Variants in DMRT1 observed in about 807,000 individuals in gnomAD.
DMRT1 encodes doublesex- and mab-3-related transcription factor 1.
In DMRT1, 7 loss-of-function variants were observed where a neutral mutation model predicts 32.3. That is an observed-to-expected ratio of 0.22 (90% CI 0.12 to 0.41). The LOEUF (loss-of-function observed/expected upper bound fraction) is 0.41. Ranked by LOEUF, DMRT1 falls within the 10% of genes least tolerant of loss-of-function variation. The pLI is 1.00. For synonymous variants in DMRT1, 278 were observed against 206.1 expected, an observed-to-expected ratio of 1.35 and a Z score of -2.99; for missense variants, 625 against 500.5, an observed-to-expected ratio of 1.25 and a Z score of -2.37.
At chr9:960,282 C>A (rs1021224792) in intron 4 of DMRT1, among the ~76,000 whole-genome samples, 3 of 152,226 alleles carry the variant, frequency 2.0e-5, no homozygotes, top group African/African-American at 7.2e-5. Flanking sequence ...CAATTGTTGA[C>A]TTTCCTTCAC....
At chr9:924,592 C>T (rs1818462802) in intron 4 of DMRT1, among the ~76,000 whole-genome samples, 1 of 152,026 alleles carries the variant, frequency 6.6e-6, no homozygotes, top group South Asian at 2.1e-4. Flanking sequence ...TGATTACTGT[C>T]ATTAAGGAGG....
chr9:928,942 A>G (rs1449223703), intron 4 of DMRT1, among the ~76,000 whole-genome samples: 1 of 151,192 alleles, frequency 6.6e-6, no homozygotes, highest in East Asian at 2.0e-4. Context: ...GATTCAAGAG[A>G]TTCTTGTGTC....
intron 3 of DMRT1, among the ~76,000 whole-genome samples, chr9:900,358 C>T (rs748824560): frequency 8.7e-4 from 117 of 133,776 alleles, no homozygotes; most frequent in Non-Finnish European, 1.4e-3. Context: ...GACAGGCTCT[C>T]GTTTTCCCAC....
intron 2 of DMRT1, among the ~76,000 whole-genome samples, chr9:850,694 C>T (rs1171921325): frequency 1.3e-5 from 2 of 152,080 alleles, no homozygotes; most frequent in African/African-American, 2.4e-5. Flanking sequence ...TTTTCATTTA[C>T]TACAGCTGAG....
chr9:883,756 C>T (rs1016611791), intron 2 of DMRT1, among the ~76,000 whole-genome samples: 7 of 150,532 alleles, frequency 4.7e-5, no homozygotes, highest in Non-Finnish European at 8.8e-5. Context: ...CACACCACTG[C>T]ACTTCAGCCT....
intron 3 of DMRT1, among the ~76,000 whole-genome samples, chr9:911,612 C>T (rs1817991279): frequency 6.6e-6 from 1 of 150,926 alleles, no homozygotes; most frequent in African/African-American, 2.4e-5. Flanking sequence ...CCTGCCTCAG[C>T]CTCCCAAGTA....
chr9:843,035 TTC>T (rs1838756685), intron 1 of DMRT1: 1 of 152,176 alleles, frequency 6.6e-6, no homozygotes, highest in Non-Finnish European at 1.5e-5. Context: ...AATTAAGGAA[TTC>T]TCTCCGCTTT....
chr9:873,588 G>A (rs772764510), intron 2 of DMRT1, among the ~76,000 whole-genome samples: 1 of 152,030 alleles, frequency 6.6e-6, no homozygotes, highest in Admixed American at 6.6e-5. Flanking sequence ...CAAAATGTTG[G>A]GATTACAGGC....
chr9:896,274 T>G (rs955606741), intron 3 of DMRT1, among the ~76,000 whole-genome samples: 5 of 151,028 alleles, frequency 3.3e-5, no homozygotes, highest in Admixed American at 3.3e-4. Context: ...ATTTTTTTTT[T>G]CTTGTCTTTT....
intron 4 of DMRT1, among the ~76,000 whole-genome samples, chr9:957,799 C>T (rs1214769325): frequency 1.3e-5 from 2 of 152,134 alleles, no homozygotes; most frequent in Non-Finnish European, 2.9e-5. Flanking sequence ...CACCTGAGGT[C>T]AGGAGTTCGA....
rs73639453 is a variant in DMRT1 at position 869,381 on chromosome 9, C to A, written c.538+22238C>A. 1.6e-3 allele frequency among the ~76,000 whole-genome samples: 242 copies of A among 152,324 alleles called. 2 individuals carry two copies. Among genetic ancestry groups the A allele is most frequent in the African/African-American group, 5.4e-3 (225 of 41,576 alleles). ...AAAGGTGTACTCATCTGCACCTTTCCATTTGCCAGTTCTCCTAGCTGTTCT... is the reference window on the plus strand; with the variant it reads ...AAAGGTGTACTCATCTGCACCTTTCAATTTGCCAGTTCTCCTAGCTGTTCT... On this transcript the variant is annotated intron_variant, in intron 2 of 4. Transcript: ENST00000382276.
chr9:882,682 G>A (rs974181712), intron 2 of DMRT1, among the ~76,000 whole-genome samples: 1 of 149,730 alleles, frequency 6.7e-6, no homozygotes, highest in Non-Finnish European at 1.5e-5. Flanking sequence ...TCAGCCTCAT[G>A]TTTGTATTTT....
chr9:861,332 C>T (rs1163195886), intron 2 of DMRT1, among the ~76,000 whole-genome samples: 15 of 152,060 alleles, frequency 9.9e-5, no homozygotes, highest in African/African-American at 3.6e-4. Flanking sequence ...GCCCTTAATC[C>T]ATTTAACCCT....
intron 2 of DMRT1, among the ~76,000 whole-genome samples, chr9:861,262 G>C (rs1380409911): frequency 2.6e-5 from 4 of 151,876 alleles, no homozygotes; most frequent in African/African-American, 4.8e-5. Flanking sequence ...AGGGAGTGGT[G>C]ATGACTCTTA....
chr9:883,048 A>G (rs930251994), intron 2 of DMRT1, among the ~76,000 whole-genome samples: 3 of 151,904 alleles, frequency 2.0e-5, no homozygotes, highest in African/African-American at 7.3e-5. Flanking sequence ...CTGGGATTAC[A>G]GGCATGAGCC....
At chr9:961,455 T>C (rs548570906) in intron 4 of DMRT1, among the ~76,000 whole-genome samples, 12 of 152,342 alleles carry the variant, frequency 7.9e-5, no homozygotes, top group African/African-American at 2.9e-4. Context: ...AATGCTAGTC[T>C]GAAGGGATGG....
intron 2 of DMRT1, among the ~76,000 whole-genome samples, chr9:851,980 C>T (rs1431076143): frequency 6.7e-6 from 1 of 148,496 alleles, no homozygotes; most frequent in African/African-American, 2.5e-5. Flanking sequence ...CACTCTGTCG[C>T]TTAGGCTGGA....
chr9:911,470 ATTTTTT>A (rs201141931), intron 3 of DMRT1, among the ~76,000 whole-genome samples: 31 of 66,996 alleles, frequency 4.6e-4, no homozygotes, highest in African/African-American at 1.1e-3. Context: ...GGTTAATTGC[ATTTTTT>A]TTTTTTTTTT....
intron 3 of DMRT1, among the ~76,000 whole-genome samples, chr9:906,313 C>T (rs1817775873): frequency 6.6e-6 from 1 of 152,198 alleles, no homozygotes; most frequent in Non-Finnish European, 1.5e-5. Flanking sequence ...CCTCACGTTG[C>T]CCTCCCGGCA....
Sources: allele counts gnomAD v4.1 joint callset (sites outside exome capture counted in the v4.1 genomes callset), GRCh38; gene constraint gnomAD v4.1.1; transcripts MANE v1.5; gene names NCBI Gene and HGNC (gene_info 2026-07-23, HGNC 2026-07-21).